The following UGT3A2 variants were observed in gnomAD, a reference collection of about 807,000 sequenced individuals.
The protein encoded by UGT3A2 is UDP glycosyltransferase family 3 member A2, also known as UDP-glycosyltransferase 3A2.
UGT3A2 carries 32 observed loss-of-function variants against 39.8 expected under a neutral mutation model. The ratio of observed to expected loss-of-function variants is 0.80; its 90% CI spans 0.61 to 1.08. UGT3A2 has a LOEUF of 1.08. UGT3A2 is among the 50% of genes least tolerant of loss of function. The pLI, the probability that UGT3A2 is intolerant of heterozygous loss-of-function variation, is 0.00. For missense variants in UGT3A2, 611 were observed against 637.1 expected (o/e 0.96, Z 0.44); for synonymous variants, 241 against 230.7 (o/e 1.04, Z -0.40).
At chr5:36,053,307 C>T (rs1048903418) in intron 2 of UGT3A2, among the ~76,000 whole-genome samples, 6 of 152,166 alleles carry the variant, frequency 3.9e-5, no homozygotes, top group African/African-American at 1.2e-4. Flanking sequence ...ACCTCTCCAT[C>T]CCCAATACTA....
chr5:36,044,347 TA>T (rs1306728565), intron 4 of UGT3A2, among the ~76,000 whole-genome samples: 1 of 151,896 alleles, frequency 6.6e-6, no homozygotes, highest in Non-Finnish European at 1.5e-5. Context: ...CTCAACACAA[TA>T]AAAGCCATAT....
At chr5:36,054,646 G>A (rs970955356) in intron 2 of UGT3A2, among the ~76,000 whole-genome samples, 2 of 151,708 alleles carry the variant, frequency 1.3e-5, no homozygotes, top group Non-Finnish European at 1.5e-5. Context: ...GACAGGCATA[G>A]GATACCAATT....
chr5:36,066,530 C>T (rs2111788533), intron 1 of UGT3A2, among the ~76,000 whole-genome samples, 166 bp downstream of exon 1: 1 of 152,322 alleles, frequency 6.6e-6, no homozygotes, highest in South Asian at 2.1e-4. Flanking sequence ...AATAGAGGCC[C>T]CTCTCTGCCC....
intron 4 of UGT3A2, among the ~76,000 whole-genome samples, chr5:36,043,793 A>G (rs1263987908): frequency 1.3e-5 from 2 of 152,136 alleles, no homozygotes; most frequent in African/African-American, 2.4e-5. Context: ...ACAACTTGCC[A>G]AGATTAATCC....
At chr5:36,037,376 C>T (rs899899781) in intron 6 of UGT3A2, among the ~76,000 whole-genome samples, 3 of 151,988 alleles carry the variant, frequency 2.0e-5, no homozygotes, top group African/African-American at 7.3e-5. Flanking sequence ...GAGATGAGAC[C>T]GGAATGCAAC....
rs374621731 is a variant in UGT3A2 at position 36,037,792 on chromosome 5, C to G, written c.1295+5G>C. ...TTATGACCACAACCCCAAGGAGCTGCATACCTCTTGTCTTCCATGATTTGT... is the reference window on the plus strand; with the variant it reads ...TTATGACCACAACCCCAAGGAGCTGGATACCTCTTGTCTTCCATGATTTGT... On this transcript the variant is annotated splice_donor_5th_base_variant and intron_variant, in intron 6 of 6. Transcript: ENST00000282507. 1 of 1,614,046 alleles carries G rather than the reference C, an allele frequency of 6.2e-7. No individual in the cohort carries two copies. Among genetic ancestry groups the G allele is most frequent in the African/African-American group, 1.3e-5 (1 of 74,930 alleles).
chr5:36,047,968 A>G (rs1742218750), intron 4 of UGT3A2, among the ~76,000 whole-genome samples: 1 of 152,150 alleles, frequency 6.6e-6, no homozygotes, highest in South Asian at 2.1e-4. Flanking sequence ...CACAAATGCA[A>G]AGCCCATATC....
chr5:36,058,353 G>A (rs919061552), intron 2 of UGT3A2, among the ~76,000 whole-genome samples: 1 of 152,178 alleles, frequency 6.6e-6, no homozygotes, highest in Admixed American at 6.5e-5. Flanking sequence ...ATGGTTATCA[G>A]GGGCTGAAGG....
At chr5:36,058,504 C>G (rs1288622539) in intron 2 of UGT3A2, among the ~76,000 whole-genome samples, 1 of 152,084 alleles carries the variant, frequency 6.6e-6, no homozygotes, top group African/African-American at 2.4e-5. Flanking sequence ...CTGCGTCTGC[C>G]ACCCAGAAGG....
intron 4 of UGT3A2, among the ~76,000 whole-genome samples, chr5:36,040,059 C>T (rs1741958384): frequency 6.6e-6 from 1 of 152,114 alleles, no homozygotes; most frequent in Non-Finnish European, 1.5e-5. Flanking sequence ...AGTGGGACTT[C>T]TGGAGGCTGG....
chr5:36,055,058 A>C (rs1219611688), intron 2 of UGT3A2, among the ~76,000 whole-genome samples: 1 of 151,808 alleles, frequency 6.6e-6, no homozygotes, highest in East Asian at 2.0e-4. Context: ...AGAATCGCTT[A>C]AACCTGGGAG....
intron 2 of UGT3A2, among the ~76,000 whole-genome samples, chr5:36,053,163 T>C (rs1203051508): frequency 6.6e-6 from 1 of 152,196 alleles, no homozygotes; most frequent in African/African-American, 2.4e-5. Context: ...TCTGAGGAGA[T>C]TCATTTGCCA....
intron 2 of UGT3A2, among the ~76,000 whole-genome samples, chr5:36,053,621 G>T (rs1007130775): frequency 1.3e-5 from 2 of 152,160 alleles, no homozygotes; most frequent in Admixed American, 1.3e-4. Flanking sequence ...ACCTATCATG[G>T]CTGTTTCAGT....
At chr5:36,055,969 G>A (rs1742499129) in intron 2 of UGT3A2, among the ~76,000 whole-genome samples, 1 of 151,922 alleles carries the variant, frequency 6.6e-6, no homozygotes, top group Admixed American at 6.6e-5. Flanking sequence ...GTTTTCCTTT[G>A]TTTGTTTCAT....
intron 4 of UGT3A2, among the ~76,000 whole-genome samples, chr5:36,043,059 T>C (rs1391784400): frequency 6.6e-6 from 1 of 152,078 alleles, no homozygotes; most frequent in East Asian, 1.9e-4. Flanking sequence ...GAAATTTTCA[T>C]CCAATGACTG....
chr5:36,049,667 A>G (rs1742280705), intron 3 of UGT3A2, among the ~76,000 whole-genome samples: 1 of 152,080 alleles, frequency 6.6e-6, no homozygotes, highest in South Asian at 2.1e-4. Context: ...ACCACCATCA[A>G]TGCCGACTCA....
chr5:36,057,657 T>G (rs1238309458), intron 2 of UGT3A2, among the ~76,000 whole-genome samples: 4 of 152,044 alleles, frequency 2.6e-5, no homozygotes, highest in African/African-American at 9.7e-5. Flanking sequence ...TGCCTCAGCT[T>G]CCCACGTAGC....
At chr5:36,052,212 T>G (rs1420019225) in intron 2 of UGT3A2, among the ~76,000 whole-genome samples, 2 of 152,192 alleles carry the variant, frequency 1.3e-5, no homozygotes, top group Non-Finnish European at 2.9e-5. Context: ...TCAGCTCCCT[T>G]AAAAACCACT....
In UGT3A2 at chr5:36,039,547, A is replaced by G. The variant is rs765829683; in HGVS notation, c.1005T>C (p.His335=). 13 of 1,614,086 alleles carry G rather than the reference A, an allele frequency of 8.1e-6. 1 individual carries two copies. The Middle Eastern group carries it at 4.9e-4, about 61-fold the overall frequency. The change falls in exon 5 of 7, where the codon CAT becomes CAC. Residue 335 remains histidine (H), a synonymous_variant. Transcript: ENST00000282507. ...QGVIWKCQCS[H]WPKDVHLAAN... ...CAGCCAGGTGGACATCTTTGGGCCA[A>G]TGAGAACACTGACACTTCCATATCA... is the stretch of plus-strand genomic sequence containing the variant.
Sources: gnomAD v4.1 joint callset for allele counts (sites outside exome capture counted in the v4.1 genomes callset) on GRCh38, gnomAD v4.1.1 for gene constraint, MANE v1.5 for transcripts, NCBI Gene and HGNC (gene_info 2026-07-23, HGNC 2026-07-21) for gene names.